LTF: variants seen among roughly 807,000 people sequenced by gnomAD.
LTF encodes lactotransferrin, also known as epididymis luminal protein 110.
In LTF, 91 loss-of-function variants were observed where a neutral mutation model predicts 87.2. That is an observed-to-expected ratio of 1.04 (90% CI 0.88 to 1.24). The LOEUF (loss-of-function observed/expected upper bound fraction) is 1.24, where lower values mean the gene tolerates loss of function less well. Among genes scored for constraint, LTF ranks in the 50% most tolerant of loss-of-function variants. The pLI, the probability that LTF is intolerant of heterozygous loss-of-function variation, is 0.00. For synonymous variants in LTF, 378 were observed against 356.1 expected (o/e 1.06, Z -0.69); for missense variants, 901 against 904.3 (o/e 1.00, Z 0.05).
intron 1 of LTF, among the ~76,000 whole-genome samples, chr3:46,474,106 A>G (rs1703327599): frequency 6.6e-6 from 1 of 152,252 alleles, no homozygotes; most frequent in African/African-American, 2.4e-5. Context: ...CTTAACACTA[A>G]CATATCAATA....
At chr3:46,449,062 C>A (rs1332127698) in intron 8 of LTF, 45 bp from the exon 9 acceptor site, 4 of 1,559,604 alleles carry the variant, frequency 2.6e-6, no homozygotes, top group Middle Eastern at 4.3e-4. Context: ...CTGAGCTTTG[C>A]CAGGTTGTCC....
chr3:46,450,057 T>G (rs1702765141), intron 7 of LTF, 29 bp from the exon 8 acceptor site: 1 of 1,538,608 alleles, frequency 6.5e-7, no homozygotes, highest in Admixed American at 2.0e-5. Context: ...AATTATGGTG[T>G]CAATGGTAAA....
intron 1 of LTF, among the ~76,000 whole-genome samples, chr3:46,475,191 G>A (rs1703344213): frequency 6.6e-6 from 1 of 152,074 alleles, no homozygotes; most frequent in Admixed American, 6.5e-5. Context: ...ATATGAAATT[G>A]ACCAATTTCT....
rs1374877566 is a variant in LTF at position 46,446,502 on chromosome 3, A to G, written c.1304-9T>C. Reference sequence around the variant, plus strand: ...ACTGCTTTGTTGGGATTCTGAAAGAATAAAGACAAGCCAGACATCATTATC... The same window carrying G: ...ACTGCTTTGTTGGGATTCTGAAAGAGTAAAGACAAGCCAGACATCATTATC... On this transcript the variant is annotated splice_polypyrimidine_tract_variant and intron_variant, in intron 10 of 16. Coordinates refer to ENST00000231751, the MANE Select transcript of LTF (RefSeq NM_002343.6). 6.2e-7 allele frequency: 1 copy of G among 1,613,374 alleles called. No homozygotes were observed. Among genetic ancestry groups the G allele is most frequent in the Non-Finnish European group, 8.5e-7 (1 of 1,179,368 alleles).
At chr3:46,482,655 AGAAAGAAG>A (rs1375515885) in intron 1 of LTF, among the ~76,000 whole-genome samples, 1,239 of 86,786 alleles carry the variant, frequency 0.014, 11 homozygotes, top group Non-Finnish European at 0.018. Context: ...AAAGAAAGAA[AGAAAGAAG>A]GAAGGAAGGA....
At chr3:46,472,175 G>A (rs984047661) in intron 1 of LTF, among the ~76,000 whole-genome samples, 1 of 152,030 alleles carries the variant, frequency 6.6e-6, no homozygotes, top group Admixed American at 6.6e-5. Context: ...AGTAAAGCTA[G>A]CACAAACTCA....
chr3:46,479,866 G>C (rs1703410327), intron 1 of LTF, among the ~76,000 whole-genome samples: 1 of 152,230 alleles, frequency 6.6e-6, no homozygotes, highest in Non-Finnish European at 1.5e-5. Context: ...TGGAGAAATA[G>C]TGAGATGGCT....
chr3:46,478,824 C>T (rs747929747), intron 1 of LTF, among the ~76,000 whole-genome samples: 11 of 152,224 alleles, frequency 7.2e-5, no homozygotes, highest in Non-Finnish European at 1.2e-4. Context: ...ATCAGACACT[C>T]TCAGAAAATA....
intron 1 of LTF, among the ~76,000 whole-genome samples, chr3:46,471,426 A>G (rs546510136): frequency 1.3e-5 from 2 of 152,328 alleles, no homozygotes; most frequent in South Asian, 4.1e-4. Flanking sequence ...TTCCTCTAGC[A>G]TAGTACTTGT....
At position 46,443,085 on chromosome 3, in the gene LTF, G is replaced by A. The variant is rs912839680; in HGVS notation, c.1655+356C>T. 1.6e-4 allele frequency among the ~76,000 whole-genome samples: 25 copies of A among 152,340 alleles called. No homozygotes were observed. The South Asian group carries it at 4.4e-3, about 27-fold the overall frequency. On this transcript the variant is annotated intron_variant, in intron 13 of 16. Transcript: ENST00000231751. ...CCTAGGTGAGAAGAAAAGGGGCGGCGATGGGAAAGAGAATTCTTCCCCATA... is the reference window on the plus strand; with the variant it reads ...CCTAGGTGAGAAGAAAAGGGGCGGCAATGGGAAAGAGAATTCTTCCCCATA...
Position 46,459,778 on chromosome 3 carries a change from C to T in LTF, c.85G>A (p.Ala29Thr), listed in dbSNP as rs1126477. ...TTTGTGGCCTCGGGTTGGGATACGG[C>T]GCACCACTGAACACTCCTCCTACGG... ...AGRRRSVQWC[A>T]VSQPEATKCF... The change falls in exon 2 of 17, where the codon GCC becomes ACC. Residue 29 changes from alanine (A) to threonine (T), a missense_variant. Coordinates refer to ENST00000231751, the MANE Select transcript of LTF (RefSeq NM_002343.6). 437,397 of 1,539,356 alleles carry T rather than the reference C, an allele frequency of 0.28. 70,124 individuals are homozygous for T. The highest frequency in any genetic ancestry group is 0.73 in the African/African-American group (50,517 of 68,842).
intron 1 of LTF, among the ~76,000 whole-genome samples, chr3:46,462,595 G>A (rs1051180423): frequency 1.3e-5 from 2 of 152,166 alleles, no homozygotes; most frequent in Non-Finnish European, 2.9e-5. Flanking sequence ...AAAAGGGTCT[G>A]GGTCAGATCC....
chr3:46,450,406 T>C, intron 7 of LTF, 89 bp downstream of exon 7: 1 of 1,399,410 alleles, frequency 7.1e-7, no homozygotes, highest in South Asian at 1.2e-5. Context: ...GCTACAGGAC[T>C]TCTGGAGTGG....
At chr3:46,478,606 G>A (rs1486095510) in intron 1 of LTF, among the ~76,000 whole-genome samples, 2 of 152,210 alleles carry the variant, frequency 1.3e-5, no homozygotes, top group Non-Finnish European at 2.9e-5. Flanking sequence ...GTAGATGCTA[G>A]AGGGCCAAGG....
At chr3:46,447,207 G>T (rs979398217) in intron 10 of LTF, 101 bp downstream of exon 10, 2 of 813,124 alleles carry the variant, frequency 2.5e-6, no homozygotes, top group Non-Finnish European at 4.2e-6. Context: ...GAATGTATCT[G>T]TTCATCATAA....
chr3:46,446,149 C>T (rs1465962769), intron 11 of LTF, among the ~76,000 whole-genome samples: 7 of 152,086 alleles, frequency 4.6e-5, no homozygotes, highest in South Asian at 2.1e-4. Context: ...TGGGGACTCT[C>T]GGTGCCACTG....
At position 46,438,066 on chromosome 3, in the gene LTF, T is replaced by A. The variant is rs1162714235; in HGVS notation, c.1972A>T (p.Lys658Ter). ...GTGTTGTCATTGAACAGAAGGTTTTTGGTTTCAGACTGGAATAAGCAAAAC... is the reference window on the plus strand; with the variant it reads ...GTGTTGTCATTGAACAGAAGGTTTTAGGTTTCAGACTGGAATAAGCAAAAC... ...DKFCLFQSETKNLLFNDNTEC... is the reference protein window; with the variant it reads ...DKFCLFQSET Residue 658 changes from lysine (K) to a stop codon, truncating the protein, a stop_gained, in exon 16 of 17, where the codon AAA becomes TAA. Transcript: ENST00000231751. LOFTEE classifies it high-confidence loss of function. The A allele has an allele frequency of 2.5e-6, 4 of 1,614,224 alleles. No individual in the cohort carries two copies. The highest frequency in any genetic ancestry group is 1.1e-5 in the South Asian group (1 of 91,082).
chr3:46,455,581 CT>C, intron 4 of LTF, 139 bp from the exon 5 acceptor site: 4 of 1,190,750 alleles, frequency 3.4e-6, no homozygotes, highest in Non-Finnish European at 4.7e-6. Flanking sequence ...GGGCTGGGAG[CT>C]CGAGACATGC....
upstream of LTF, chr3:46,465,068 G>A: frequency 1.6e-6 from 1 of 611,658 alleles, no homozygotes; most frequent in Non-Finnish European, 2.9e-6. Context: ...ACACCGCGCT[G>A]CGAGAGGAAA....
Sources: allele counts gnomAD v4.1 joint callset (sites outside exome capture counted in the v4.1 genomes callset), GRCh38; gene constraint gnomAD v4.1.1; transcripts MANE v1.5; gene names NCBI Gene and HGNC (gene_info 2026-07-23, HGNC 2026-07-21).